RBFOX1: variants seen among roughly 807,000 people sequenced by gnomAD.
RBFOX1 encodes the protein RNA binding protein fox-1 homolog 1.
RBFOX1 carries 8 observed loss-of-function variants against 57.7 expected under a neutral mutation model. That is an observed-to-expected ratio of 0.14 (90% CI 0.08 to 0.25). The LOEUF (loss-of-function observed/expected upper bound fraction) is 0.25, where lower values mean the gene tolerates loss of function less well. Ranked by LOEUF, RBFOX1 falls within the 10% of genes least tolerant of loss-of-function variation. The probability of loss-of-function intolerance (pLI) is 1.00; values close to 1 mark genes in which losing one functional copy is unlikely to be tolerated. For synonymous variants in RBFOX1, 326 were observed against 222.4 expected (o/e 1.47, Z -4.15); for missense variants, 611 against 548.5 (o/e 1.11, Z -1.14).
At chr16:6,384,060 C>CTTTTTTTTT (rs5815305) in intron 2 of RBFOX1, among the ~76,000 whole-genome samples, 3 of 126,640 alleles carry the variant, frequency 2.4e-5, no homozygotes, top group Admixed American at 8.0e-5. Context: ...ATTGGTTTTG[C>CTTTTTTTTT]TTTTTTTTTT....
At chr16:5,908,042 C>T (rs143049069) in intron 4 of RBFOX1, among the ~76,000 whole-genome samples, 17 of 149,296 alleles carry the variant, frequency 1.1e-4, no homozygotes, top group African/African-American at 4.0e-4. Flanking sequence ...TGAGCCATAG[C>T]ACCTGGTAGA....
intron 11 of RBFOX1, among the ~76,000 whole-genome samples, chr16:7,645,381 G>A (rs916661896): frequency 1.1e-4 from 16 of 152,154 alleles, no homozygotes; most frequent in Admixed American, 4.6e-4. Flanking sequence ...CCAAGCAGCA[G>A]GCTGAGGGAC....
chr16:5,627,902 C>T (rs1021743932), intron 3 of RBFOX1, among the ~76,000 whole-genome samples: 2 of 152,258 alleles, frequency 1.3e-5, no homozygotes, highest in East Asian at 1.9e-4. Context: ...GGTCCTGGAA[C>T]AAATCCCTCA....
At chr16:5,442,213 T>C (rs568725006) in intron 1 of RBFOX1, among the ~76,000 whole-genome samples, 13 of 152,200 alleles carry the variant, frequency 8.5e-5, no homozygotes, top group Admixed American at 7.8e-4. Flanking sequence ...TGGGAACACA[T>C]TTGAGGGGGA....
intron 1 of RBFOX1, among the ~76,000 whole-genome samples, chr16:5,394,773 T>A (rs1052624464): frequency 2.6e-5 from 4 of 152,144 alleles, no homozygotes; most frequent in Admixed American, 2.0e-4. Context: ...GGTCTTGAAC[T>A]CCCGGTCTCA....
chr16:6,815,299 T>G (rs922597701), intron 3 of RBFOX1, among the ~76,000 whole-genome samples: 1 of 152,100 alleles, frequency 6.6e-6, no homozygotes, highest in Admixed American at 6.5e-5. Flanking sequence ...TGCTATTTTA[T>G]TTTCTAGGTC....
chr16:5,645,815 G>A (rs919288761), intron 3 of RBFOX1, among the ~76,000 whole-genome samples: 2 of 152,132 alleles, frequency 1.3e-5, no homozygotes, highest in African/African-American at 2.4e-5. Flanking sequence ...ACAGGCATGT[G>A]CCACCACATC....
intron 4 of RBFOX1, among the ~76,000 whole-genome samples, chr16:5,963,037 G>A (rs149572672): frequency 4.8e-4 from 73 of 152,034 alleles, no homozygotes; most frequent in African/African-American, 1.7e-3. Flanking sequence ...ACTCATTTAC[G>A]GTTGTATTAT....
At chr16:6,020,551 C>T (rs1435192424) in intron 1 of RBFOX1, among the ~76,000 whole-genome samples, 1 of 152,174 alleles carries the variant, frequency 6.6e-6, no homozygotes, top group African/African-American at 2.4e-5. Context: ...GCGGTGCCAC[C>T]TCGACCCCAG....
chr16:5,639,218 C>G (rs945582549), intron 3 of RBFOX1, among the ~76,000 whole-genome samples: 3 of 152,200 alleles, frequency 2.0e-5, no homozygotes, highest in African/African-American at 7.2e-5. Context: ...TGTGTGCACA[C>G]ATTTCATCTA....
intron 4 of RBFOX1, among the ~76,000 whole-genome samples, chr16:7,474,841 T>C (rs919641022): frequency 1.3e-5 from 2 of 152,238 alleles, no homozygotes; most frequent in African/African-American, 4.8e-5. Context: ...GCATTCTTTG[T>C]GTGTTGGCTG....
chr16:7,039,248 C>T (rs970850628), intron 3 of RBFOX1, among the ~76,000 whole-genome samples: 2 of 152,104 alleles, frequency 1.3e-5, no homozygotes, highest in Admixed American at 6.6e-5. Context: ...ACAACAAATC[C>T]ATTATTATTT....
intron 3 of RBFOX1, among the ~76,000 whole-genome samples, chr16:6,936,169 T>G (rs1449812545): frequency 6.6e-5 from 10 of 152,340 alleles, no homozygotes; most frequent in African/African-American, 2.2e-4. Context: ...TGTGTTGCAG[T>G]CATTGCGAGT....
chr16:6,537,480 C>A (rs1400346042), intron 2 of RBFOX1, among the ~76,000 whole-genome samples: 2 of 152,132 alleles, frequency 1.3e-5, no homozygotes, highest in African/African-American at 4.8e-5. Context: ...ATCTCCATGA[C>A]AGAGTTGAGG....
chr16:5,514,956 G>T (rs546661361), intron 2 of RBFOX1, among the ~76,000 whole-genome samples: 66 of 152,286 alleles, frequency 4.3e-4, no homozygotes, highest in African/African-American at 1.5e-3. Context: ...CTTTTGGTCA[G>T]GACCTCAGGG....
chr16:6,124,108 C>G (rs1317153074), intron 1 of RBFOX1, among the ~76,000 whole-genome samples: 2 of 152,182 alleles, frequency 1.3e-5, no homozygotes, highest in African/African-American at 4.8e-5. Flanking sequence ...ACTCACCCTT[C>G]TGGGTGTTTT....
intron 3 of RBFOX1, among the ~76,000 whole-genome samples, chr16:7,051,765 C>G (rs1489586134): frequency 6.6e-6 from 1 of 152,078 alleles, no homozygotes; most frequent in African/African-American, 2.4e-5. Context: ...AGTTTCATGA[C>G]AAGAGGGGAG....
At position 7,679,681 on chromosome 16, in the gene RBFOX1, C is replaced by G. The variant is rs117899986; in HGVS notation, c.995+2843C>G. On this transcript the variant is annotated intron_variant, in intron 14 of 15. Transcript: ENST00000550418. Reference sequence around the variant, plus strand: ...TTTGAAAAATATTGAACTCCAGTAACCTCAGGACTGTCCAGAAGGTCCTTA... The same window carrying G: ...TTTGAAAAATATTGAACTCCAGTAAGCTCAGGACTGTCCAGAAGGTCCTTA... Among the ~76,000 whole-genome samples, 757 of 152,086 alleles carry G rather than the reference C, an allele frequency of 5.0e-3. 3 individuals carry two copies. Among genetic ancestry groups the G allele is most frequent in the Non-Finnish European group, 7.7e-3 (524 of 68,018 alleles).
intron 3 of RBFOX1, among the ~76,000 whole-genome samples, chr16:7,042,798 C>G (rs182958092): frequency 1.3e-5 from 2 of 152,148 alleles, no homozygotes; most frequent in African/African-American, 4.8e-5. Context: ...TGGTGGCGCT[C>G]ACCTGGAATC....
Sources: gnomAD v4.1 joint callset for allele counts (sites outside exome capture counted in the v4.1 genomes callset) on GRCh38, gnomAD v4.1.1 for gene constraint, MANE v1.5 for transcripts, NCBI Gene and HGNC (gene_info 2026-07-23, HGNC 2026-07-21) for gene names.